RP9: variants seen among roughly 807,000 people sequenced by gnomAD.
RP9 encodes the protein retinitis pigmentosa 9 protein.
A neutral mutation model predicts 32.6 loss-of-function variants in RP9; 23 were observed. The ratio of observed to expected loss-of-function variants is 0.71; its 90% CI spans 0.51 to 1.00. The LOEUF is 1.00. RP9 is among the 50% of genes least tolerant of loss of function. The probability of loss-of-function intolerance (pLI) is 0.00; values close to 1 mark genes in which losing one functional copy is unlikely to be tolerated. For missense variants in RP9, 245 were observed against 285.3 expected, an observed-to-expected ratio of 0.86 and a Z score of 1.02; for synonymous variants, 94 against 103.6, an observed-to-expected ratio of 0.91 and a Z score of 0.56.
At chr7:33,103,512 G>T (rs1312736900) in intron 1 of RP9, among the ~76,000 whole-genome samples, 1 of 152,066 alleles carries the variant, frequency 6.6e-6, no homozygotes, top group Non-Finnish European at 1.5e-5. Context: ...GCTGTATAGC[G>T]CCTACTCTTA....
rs1788394153 is a variant in RP9 at position 33,099,431 on chromosome 7, A to G, written c.189T>C (p.Asp63=). ...EKPPPGLIKE[D]ETKPEDCIPD... ...GTATGCAATCTTCTGGCTTAGTCTCATCTTCCTAAAAAAGGGAACAGGTAT... is the reference window on the plus strand; with the variant it reads ...GTATGCAATCTTCTGGCTTAGTCTCGTCTTCCTAAAAAAGGGAACAGGTAT... Residue 63 remains aspartate, a synonymous_variant, in exon 3 of 6, where the codon GAT becomes GAC. Transcript: ENST00000297157. 6.2e-7 allele frequency: 1 copy of G among 1,613,296 alleles called. No individual in the cohort carries two copies. Among genetic ancestry groups the G allele is most frequent in the East Asian group, 2.2e-5 (1 of 44,838 alleles).
rs1456853460 is a variant in RP9 at position 33,099,449 on chromosome 7, A to T, written c.184-13T>A. 3 of 1,613,552 alleles carry T rather than the reference A, an allele frequency of 1.9e-6. No individual in the cohort carries two copies. In the South Asian group the frequency reaches 3.3e-5, roughly 18 times the overall value. ...TAGTCTCATCTTCCTAAAAAAGGGA[A>T]CAGGTATAAACAGCATGGCAAGAGC... On this transcript the variant is annotated splice_polypyrimidine_tract_variant and intron_variant, in intron 2 of 5. Coordinates refer to ENST00000297157, the MANE Select transcript of RP9 (RefSeq NM_203288.2).
At chr7:33,108,142 C>T (rs1788524824) in intron 1 of RP9, among the ~76,000 whole-genome samples, 1 of 152,192 alleles carries the variant, frequency 6.6e-6, no homozygotes, top group Admixed American at 6.5e-5. Context: ...TTCAAGGAGG[C>T]AGCGTTAGGC....
In RP9 at chr7:33,099,414, T is replaced by A. The variant is rs1788393558; in HGVS notation, c.206A>T (p.Asp69Val). The A allele has an allele frequency of 4.3e-6, 7 of 1,613,376 alleles. No individual in the cohort carries two copies. The highest frequency in any genetic ancestry group is 5.9e-6 in the Non-Finnish European group (7 of 1,179,976). Reference protein sequence around the residue: ...LIKEDETKPEDCIPDVPGNEH... With the variant: ...LIKEDETKPEVCIPDVPGNEH... Reference sequence around the variant, plus strand: ...ATTGCCTGGTACATCTGGTATGCAATCTTCTGGCTTAGTCTCATCTTCCTA... The same window carrying A: ...ATTGCCTGGTACATCTGGTATGCAAACTTCTGGCTTAGTCTCATCTTCCTA... Residue 69 changes from aspartate (D) to valine (V), a missense_variant, in exon 3 of 6, where the codon GAT becomes GTT. Physicochemically the swap from Asp to Val is radical, Grantham distance 152 (BLOSUM62 -3). Around this residue, in one of 2 missense-constraint regions of RP9, gnomAD observed 182 missense variants for 175.5 expected, o/e 1.04. Transcript: ENST00000297157.
chr7:33,095,685 C>CA (rs1231145568), intron 5 of RP9, among the ~76,000 whole-genome samples: 17 of 152,206 alleles, frequency 1.1e-4, no homozygotes, highest in Non-Finnish European at 1.5e-5. Flanking sequence ...ACAGTCCTTA[C>CA]AATTGTAATT....
chr7:33,100,346 G>A, intron 2 of RP9, 185 bp downstream of exon 2: 1 of 659,664 alleles, frequency 1.5e-6, no homozygotes, highest in South Asian at 1.8e-5. Flanking sequence ...CATGGCTGAT[G>A]AAATTTCTGC....
intron 1 of RP9, among the ~76,000 whole-genome samples, chr7:33,107,567 T>C (rs894964350): frequency 6.6e-6 from 1 of 152,144 alleles, no homozygotes; most frequent in African/African-American, 2.4e-5. Context: ...CCCTGTAACA[T>C]GGATGCCCAC....
Position 33,099,357 on chromosome 7 carries a change from G to A in RP9, c.263C>T (p.Pro88Leu). 1 of 1,613,562 alleles carries A rather than the reference G, an allele frequency of 6.2e-7. No individual in the cohort carries two copies. The highest frequency in any genetic ancestry group is 8.5e-7 in the Non-Finnish European group (1 of 1,179,954). ...EHAREFLAHAPTKGLWMPLGK... is the reference protein window; with the variant it reads ...EHAREFLAHALTKGLWMPLGK... ...CAGTGGCATCCAAAGTCCTTTAGTT[G>A]GTGCATGAGCCAGAAATTCCCTGGC... is the stretch of plus-strand genomic sequence containing the variant. Residue 88 changes from proline to leucine, a missense_variant, in exon 3 of 6, where the codon CCA becomes CTA. Pro to Leu is a moderately conservative substitution (Grantham distance 98). Transcript: ENST00000297157.
At position 33,099,355 on chromosome 7, in the gene RP9, T is replaced by C. The variant is rs764812236; in HGVS notation, c.265A>G (p.Thr89Ala). 9 of 1,613,750 alleles carry C rather than the reference T, an allele frequency of 5.6e-6. No individual in the cohort carries two copies. The highest frequency in any genetic ancestry group is 2.2e-5 in the South Asian group (2 of 91,054). Residue 89 changes from threonine to alanine, a missense_variant, in exon 3 of 6, where the codon ACT becomes GCT. Thr to Ala is a moderately conservative substitution (Grantham distance 58). Coordinates refer to ENST00000297157, the MANE Select transcript of RP9 (RefSeq NM_203288.2). ...CCCAGTGGCATCCAAAGTCCTTTAG[T>C]TGGTGCATGAGCCAGAAATTCCCTG... ...HAREFLAHAP[T>A]KGLWMPLGKE...
chr7:33,100,222 C>G (rs1788405144), intron 2 of RP9: 1 of 432,448 alleles, frequency 2.3e-6, no homozygotes, highest in Admixed American at 3.6e-5. Context: ...AGGGGCTGAG[C>G]CGGGTGAGGC....
At chr7:33,097,241 T>C in intron 4 of RP9, 30 bp downstream of exon 4, 1 of 1,478,644 alleles carries the variant, frequency 6.8e-7, no homozygotes, top group South Asian at 1.1e-5. Flanking sequence ...CTCTGATAAA[T>C]GTAAATTGAC....
At chr7:33,108,760 T>C (rs997895009) in intron 1 of RP9, among the ~76,000 whole-genome samples, 2 of 152,238 alleles carry the variant, frequency 1.3e-5, no homozygotes, top group Non-Finnish European at 1.5e-5. Context: ...TCTCCCACTT[T>C]TGTGGCCCTC....
At chr7:33,108,890 A>T (rs1446527398) in intron 1 of RP9, among the ~76,000 whole-genome samples, 1 of 152,116 alleles carries the variant, frequency 6.6e-6, no homozygotes, top group African/African-American at 2.4e-5. Context: ...CTTCCCCTAC[A>T]TTTGAATCTT....
At chr7:33,108,046 A>G (rs763688579) in intron 1 of RP9, among the ~76,000 whole-genome samples, 7 of 152,232 alleles carry the variant, frequency 4.6e-5, no homozygotes, top group African/African-American at 7.2e-5. Context: ...TCAGGTACTT[A>G]TAACAGTAGG....
intron 3 of RP9, among the ~76,000 whole-genome samples, chr7:33,097,680 C>T (rs771339764): frequency 1.3e-5 from 2 of 151,966 alleles, no homozygotes; most frequent in African/African-American, 4.8e-5. Context: ...AGTGCAGTGG[C>T]GTGATCTCAG....
intron 3 of RP9, among the ~76,000 whole-genome samples, chr7:33,097,835 G>A (rs1416813097): frequency 1.3e-5 from 2 of 152,148 alleles, no homozygotes; most frequent in Non-Finnish European, 2.9e-5. Context: ...GCCCAGGCTG[G>A]TCTTCAACTC....
rs1211501698 is a variant in RP9, at chr7:33,099,421, G to C, written c.199C>G (p.Pro67Ala). The change falls in exon 3 of 6, where the codon CCA becomes GCA. Residue 67 changes from proline to alanine, a missense_variant. Coordinates refer to ENST00000297157, the MANE Select transcript of RP9 (RefSeq NM_203288.2). ...PGLIKEDETKPEDCIPDVPGN... is the reference protein window; with the variant it reads ...PGLIKEDETKAEDCIPDVPGN... ...GGTACATCTGGTATGCAATCTTCTG[G>C]CTTAGTCTCATCTTCCTAAAAAAGG... The C allele has an allele frequency of 1.2e-6, 2 of 1,612,596 alleles. No individual in the cohort carries two copies. Among genetic ancestry groups the C allele is most frequent in the Non-Finnish European group, 1.7e-6 (2 of 1,179,788 alleles).
chr7:33,097,050 C>T (rs968485245), intron 4 of RP9, among the ~76,000 whole-genome samples: 1 of 152,172 alleles, frequency 6.6e-6, no homozygotes, highest in Non-Finnish European at 1.5e-5. Context: ...TTCCAAGTTA[C>T]AAACAAAGAT....
chr7:33,107,796 C>G (rs1283305265), intron 1 of RP9, among the ~76,000 whole-genome samples: 1 of 152,170 alleles, frequency 6.6e-6, no homozygotes, highest in African/African-American at 2.4e-5. Flanking sequence ...TCTACTTGAG[C>G]AAAGAACTGT....
Sources: gnomAD v4.1 joint callset for allele counts (sites outside exome capture counted in the v4.1 genomes callset) on GRCh38, gnomAD v4.1.1 for gene constraint, gnomAD v4.1.1 regional missense constraint, MANE v1.5 for transcripts, NCBI Gene and HGNC (gene_info 2026-07-23, HGNC 2026-07-21) for gene names.